Variants in LRMDA observed in about 807,000 individuals in gnomAD.
The protein encoded by LRMDA is leucine rich melanocyte differentiation associated, also known as leucine-rich melanocyte differentiation-associated protein.
In LRMDA, 18 loss-of-function variants were observed where a neutral mutation model predicts 29.8. The observed-to-expected ratio is 0.60, with a 90% CI of 0.42 to 0.90. LRMDA has a LOEUF of 0.90. LRMDA is among the 40% of genes least tolerant of loss of function. The pLI is 0.00. For missense variants in LRMDA, 273 were observed against 273.9 expected, an observed-to-expected ratio of 1.00 and a Z score of 0.02; for synonymous variants, 125 against 109.4, an observed-to-expected ratio of 1.14 and a Z score of -0.89.
chr10:76,023,368 C>G (rs1400348838), intron 2 of LRMDA, among the ~76,000 whole-genome samples: 2 of 152,130 alleles, frequency 1.3e-5, no homozygotes, highest in African/African-American at 4.8e-5. Context: ...CCTAACTTTC[C>G]CCTTCCCCCA....
chr10:76,429,514 G>A (rs1048187077), intron 6 of LRMDA, among the ~76,000 whole-genome samples: 5 of 152,090 alleles, frequency 3.3e-5, no homozygotes, highest in Admixed American at 6.6e-5. Flanking sequence ...CCTCTTGTCA[G>A]GGAGGCGCGT....
intron 2 of LRMDA, among the ~76,000 whole-genome samples, chr10:75,564,530 GCTGCACCCACTGTC>G (rs1840345262): frequency 6.6e-6 from 1 of 152,194 alleles, no homozygotes; most frequent in Admixed American, 6.5e-5. Flanking sequence ...CGCATGGTGC[GCTGCACCCACTGTC>G]CTGCACCCAC....
intron 6 of LRMDA, among the ~76,000 whole-genome samples, chr10:76,371,614 A>C (rs922478266): frequency 2.6e-5 from 4 of 152,134 alleles, no homozygotes; most frequent in African/African-American, 9.7e-5. Flanking sequence ...CAAAACTCTG[A>C]AATTCATCCA....
At position 75,537,539 on chromosome 10, in the gene LRMDA, C is replaced by A. The variant is rs567444085; in HGVS notation, c.131+99045C>A. On this transcript the variant is annotated intron_variant, in intron 2 of 6. Transcript: ENST00000611255. ...GCCTGGCATAATTTATCCTTGTTAT[C>A]CTTGCTATCAAAGCCTGTATTGACT... Among the ~76,000 whole-genome samples the A allele has an allele frequency of 8.5e-5, 13 of 152,338 alleles. No homozygotes were observed. In the East Asian group the frequency reaches 9.6e-4, roughly 11 times the overall value.
At chr10:75,447,754 G>A (rs1490126448) in intron 2 of LRMDA, among the ~76,000 whole-genome samples, 25 of 152,044 alleles carry the variant, frequency 1.6e-4, no homozygotes, top group Admixed American at 1.6e-3. Flanking sequence ...TAATTAGCTG[G>A]GTGTGGTGGC....
rs1459657518 is a variant in LRMDA at position 76,518,316 on chromosome 10, TATC to T, written c.602-38892_602-38890del. ...CTATCTATCTATCTATCTATCTATCTATCTATCTATCATCTCTATCTGTATCTC... is the reference window on the plus strand; with the variant it reads ...CTATCTATCTATCTATCTATCTATCTTATCTATCATCTCTATCTGTATCTC... On this transcript the variant is annotated intron_variant, in intron 6 of 6. Transcript: ENST00000611255. 1.1e-3 allele frequency among the ~76,000 whole-genome samples: 165 copies of T among 151,484 alleles called. 1 individual carries two copies. Among genetic ancestry groups the T allele is most frequent in the South Asian group, 7.3e-3 (35 of 4,798 alleles).
intron 6 of LRMDA, among the ~76,000 whole-genome samples, chr10:76,397,732 C>T (rs1564530216): frequency 2.0e-5 from 3 of 152,252 alleles, no homozygotes; most frequent in Admixed American, 6.5e-5. Flanking sequence ...AAGGCATGCT[C>T]GCCTCAACAG....
chr10:75,484,490 T>C (rs1375887547), intron 2 of LRMDA, among the ~76,000 whole-genome samples: 1 of 152,210 alleles, frequency 6.6e-6, no homozygotes, highest in East Asian at 1.9e-4. Flanking sequence ...TAAGAGCAAT[T>C]GGCAGGAGTT....
intron 6 of LRMDA, chr10:76,556,635 G>A (rs1843561366): frequency 1.3e-5 from 2 of 153,008 alleles, no homozygotes; most frequent in Non-Finnish European, 2.9e-5. Flanking sequence ...TTACAGGCGT[G>A]AGCCACCACG....
At chr10:76,310,344 T>G (rs963074220) in intron 5 of LRMDA, among the ~76,000 whole-genome samples, 63 of 152,004 alleles carry the variant, frequency 4.1e-4, no homozygotes, top group African/African-American at 1.3e-3. Context: ...CTCTTGGAGG[T>G]TTTTTGAATC....
rs370644237 is a variant in LRMDA, at chr10:76,038,885, A to G, written c.258+2751A>G. On this transcript the variant is annotated intron_variant, in intron 3 of 6. Transcript: ENST00000611255. ...ATCAGATGTTTGGCCAGGGCTCAGC[A>G]GGATGGTTCTTCTGCTAGTCTTATT... Among the ~76,000 whole-genome samples, 6 of 152,322 alleles carry G rather than the reference A, an allele frequency of 3.9e-5. No individual in the cohort carries two copies. In the South Asian group the frequency reaches 8.3e-4, roughly 21 times the overall value.
rs890433760 is a variant in LRMDA, at chr10:76,303,720, T to TC, written c.517-20681_517-20680insC. 3.3e-5 allele frequency among the ~76,000 whole-genome samples: 5 copies of TC among 151,772 alleles called. No homozygotes were observed. In the South Asian group the frequency reaches 8.3e-4, roughly 25 times the overall value. On this transcript the variant is annotated intron_variant, in intron 5 of 6. Coordinates refer to ENST00000611255, the MANE Select transcript of LRMDA (RefSeq NM_001305581.2). ...TGGGAATGGGATTGCCACTCTTTTT[T>TC]TTTTTTTTTGGTGATCAGTTTTTTA...
At chr10:76,366,166 A>C (rs534744166) in intron 6 of LRMDA, among the ~76,000 whole-genome samples, 1 of 152,318 alleles carries the variant, frequency 6.6e-6, no homozygotes, top group Non-Finnish European at 1.5e-5. Flanking sequence ...GTTTGAAAAC[A>C]GGTAGTGTGA....
At chr10:76,344,412 G>A (rs1841078053) in intron 6 of LRMDA, among the ~76,000 whole-genome samples, 1 of 152,028 alleles carries the variant, frequency 6.6e-6, no homozygotes, top group African/African-American at 2.4e-5. Context: ...ATTAAGAACA[G>A]ACATTCGTAT....
At chr10:75,554,070 C>A (rs1212268369) in intron 2 of LRMDA, among the ~76,000 whole-genome samples, 1 of 152,116 alleles carries the variant, frequency 6.6e-6, no homozygotes, top group Non-Finnish European at 1.5e-5. Flanking sequence ...TCTATCTGTT[C>A]TTGGAGGGAC....
chr10:75,852,729 T>G (rs918292616), intron 2 of LRMDA, among the ~76,000 whole-genome samples: 1 of 151,980 alleles, frequency 6.6e-6, no homozygotes, highest in Non-Finnish European at 1.5e-5. Context: ...CTTGTGGAGG[T>G]GAAGACAGAC....
chr10:76,445,759 T>C (rs1842348388), intron 6 of LRMDA, among the ~76,000 whole-genome samples: 2 of 152,182 alleles, frequency 1.3e-5, no homozygotes, highest in Non-Finnish European at 2.9e-5. Flanking sequence ...AATAGACTAG[T>C]GACAACTTGG....
intron 6 of LRMDA, among the ~76,000 whole-genome samples, chr10:76,340,612 A>G (rs1483008463): frequency 6.6e-6 from 1 of 151,924 alleles, no homozygotes; most frequent in Non-Finnish European, 1.5e-5. Flanking sequence ...CAGAATAGAT[A>G]GGAACTTCCC....
intron 5 of LRMDA, among the ~76,000 whole-genome samples, chr10:76,064,858 A>T (rs539693653): frequency 1.3e-5 from 2 of 152,374 alleles, no homozygotes; most frequent in East Asian, 3.9e-4. Flanking sequence ...ACATTCAAAA[A>T]ATAATTTAAA....
Sources: allele counts gnomAD v4.1 joint callset (sites outside exome capture counted in the v4.1 genomes callset), GRCh38; gene constraint gnomAD v4.1.1; transcripts MANE v1.5; gene names NCBI Gene and HGNC (gene_info 2026-07-23, HGNC 2026-07-21).